Variants in SGCD observed in about 807,000 individuals in gnomAD.
SGCD encodes delta-sarcoglycan.
SGCD carries 18 observed loss-of-function variants against 36.6 expected under a neutral mutation model. That is an observed-to-expected ratio of 0.49 (90% CI 0.34 to 0.73). The LOEUF is 0.73. Among genes scored for constraint, SGCD ranks in the 30% least tolerant of loss-of-function variants. The pLI, the probability that SGCD is intolerant of heterozygous loss-of-function variation, is 0.01. For synonymous variants in SGCD, 133 were observed against 130.6 expected (o/e 1.02, Z -0.12); for missense variants, 387 against 346.7 (o/e 1.12, Z -0.92).
intron 1 of SGCD, among the ~76,000 whole-genome samples, chr5:156,012,614 ATTT>A (rs56739452): frequency 8.7e-5 from 12 of 138,648 alleles, no homozygotes; most frequent in Admixed American, 1.5e-4. Flanking sequence ...CACAGAGATA[ATTT>A]TTTTTTTTTT....
chr5:156,489,056 A>C (rs1325650644), intron 3 of SGCD, among the ~76,000 whole-genome samples: 1 of 152,162 alleles, frequency 6.6e-6, no homozygotes, highest in African/African-American at 2.4e-5. Flanking sequence ...AATGGAAACC[A>C]AAAGAAGCAG....
intron 1 of SGCD, among the ~76,000 whole-genome samples, chr5:156,087,702 G>T (rs972006611): frequency 6.6e-6 from 1 of 151,684 alleles, no homozygotes; most frequent in Non-Finnish European, 1.5e-5. Context: ...TATGCATGTG[G>T]TACATTTTGC....
intron 7 of SGCD, among the ~76,000 whole-genome samples, chr5:156,755,497 C>G (rs1757303515): frequency 6.6e-6 from 1 of 152,144 alleles, no homozygotes; most frequent in South Asian, 2.1e-4. Context: ...GAGTCAAGAG[C>G]ACAGGGGCAG....
At chr5:156,298,549 G>A (rs1766961717) in intron 3 of SGCD, among the ~76,000 whole-genome samples, 1 of 148,294 alleles carries the variant, frequency 6.7e-6, no homozygotes, top group African/African-American at 2.5e-5. Flanking sequence ...ATACCTGTTT[G>A]CCATTTGTTA....
intron 3 of SGCD, among the ~76,000 whole-genome samples, chr5:156,407,034 A>C (rs1772470598): frequency 1.3e-5 from 2 of 151,804 alleles, no homozygotes; most frequent in Non-Finnish European, 2.9e-5. Context: ...AGGCTAGGCC[A>C]GTCTTGCTTT....
the SGCD span, among the ~76,000 whole-genome samples, chr5:155,790,974 G>C: frequency 2.1e-3 from 314 of 152,160 alleles, 2 homozygotes; most frequent in Middle Eastern, 6.8e-3. Flanking sequence ...ATAGAATAAG[G>C]GTTCTGAATA....
At chr5:155,870,649 T>C (rs1356151776) in intron 1 of SGCD, among the ~76,000 whole-genome samples, 1 of 152,188 alleles carries the variant, frequency 6.6e-6, no homozygotes, top group Non-Finnish European at 1.5e-5. Flanking sequence ...TTCTTAAAAA[T>C]GAACTATTTT....
chr5:156,263,918 T>A (rs984565877), intron 3 of SGCD, among the ~76,000 whole-genome samples: 10 of 152,104 alleles, frequency 6.6e-5, no homozygotes, highest in African/African-American at 2.4e-4. Flanking sequence ...TTGGGTTTAT[T>A]TCTGGGTTCT....
the SGCD span, among the ~76,000 whole-genome samples, chr5:155,832,704 C>CA: frequency 7.4e-4 from 111 of 149,430 alleles, no homozygotes; most frequent in Non-Finnish European, 4.5e-4. Flanking sequence ...AATAGACATG[C>CA]AAAAAAAATT....
At chr5:156,388,639 T>C (rs2127753053) in intron 3 of SGCD, among the ~76,000 whole-genome samples, 1 of 152,334 alleles carries the variant, frequency 6.6e-6, no homozygotes, top group African/African-American at 2.4e-5. Context: ...ACAGCTAGGA[T>C]CTTGAATGAG....
rs192968815 is a variant in SGCD at position 156,384,896 on chromosome 5, G to T, written c.192+40219G>T. ...AGTTATTGAAAGCCAGTTATTCCAAGGTGAACCTGCAGTTCTCATATGACC... is the reference window on the plus strand; with the variant it reads ...AGTTATTGAAAGCCAGTTATTCCAATGTGAACCTGCAGTTCTCATATGACC... On this transcript the variant is annotated intron_variant, in intron 3 of 8. Transcript: ENST00000337851. Among the ~76,000 whole-genome samples, 3 of 152,268 alleles carry T rather than the reference G, an allele frequency of 2.0e-5. No homozygotes were observed. In the East Asian group the frequency reaches 5.8e-4, roughly 29 times the overall value.
chr5:156,008,181 A>G (rs1196574043), intron 1 of SGCD, among the ~76,000 whole-genome samples: 1 of 152,164 alleles, frequency 6.6e-6, no homozygotes, highest in African/African-American at 2.4e-5. Context: ...GTCCAAAATT[A>G]CAATTCTCAC....
At chr5:155,907,392 G>C (rs914496837) in intron 1 of SGCD, among the ~76,000 whole-genome samples, 10 of 152,052 alleles carry the variant, frequency 6.6e-5, no homozygotes, top group Admixed American at 6.6e-4. Context: ...TATTATTTAG[G>C]AAAACATTTC....
At chr5:155,901,964 T>A (rs1042073580) in intron 1 of SGCD, among the ~76,000 whole-genome samples, 1 of 152,194 alleles carries the variant, frequency 6.6e-6, no homozygotes, top group African/African-American at 2.4e-5. Flanking sequence ...ATAGATTTCC[T>A]GGAACTTACC....
At chr5:156,103,629 T>G (rs1277118336) in intron 1 of SGCD, among the ~76,000 whole-genome samples, 1 of 152,106 alleles carries the variant, frequency 6.6e-6, no homozygotes, top group Non-Finnish European at 1.5e-5. Context: ...GGACCTAATT[T>G]GTTGGTTTCA....
intron 3 of SGCD, among the ~76,000 whole-genome samples, chr5:156,249,326 A>G (rs540566842): frequency 2.8e-4 from 43 of 152,318 alleles, no homozygotes; most frequent in African/African-American, 1.0e-3. Flanking sequence ...AGAGTGTTCA[A>G]TTAGGGGAGA....
At chr5:156,251,600 T>C (rs139241635) in intron 3 of SGCD, among the ~76,000 whole-genome samples, 8,241 of 152,086 alleles carry the variant, frequency 0.054, 665 homozygotes, top group African/African-American at 0.18. Context: ...CTGCAACCTC[T>C]GCCTCTGCGG....
chr5:155,926,850 C>T (rs930129725), intron 1 of SGCD, among the ~76,000 whole-genome samples: 23 of 152,100 alleles, frequency 1.5e-4, no homozygotes, highest in Admixed American at 3.9e-4. Context: ...TAAAATCATA[C>T]GCAGTATGAT....
chr5:156,292,627 A>G (rs1766788058), intron 3 of SGCD, among the ~76,000 whole-genome samples: 1 of 152,140 alleles, frequency 6.6e-6, no homozygotes, highest in Non-Finnish European at 1.5e-5. Context: ...CAGAAGTAGA[A>G]TTGCTGGATT....
Sources: gnomAD v4.1 joint callset for allele counts (sites outside exome capture counted in the v4.1 genomes callset) on GRCh38, gnomAD v4.1.1 for gene constraint, MANE v1.5 for transcripts, NCBI Gene and HGNC (gene_info 2026-07-23, HGNC 2026-07-21) for gene names.